Variants in SEC24B observed in about 807,000 individuals in gnomAD.
The protein encoded by SEC24B is SEC24 homolog B, COPII component, also known as protein transport protein Sec24B.
Under a neutral mutation model 142.8 loss-of-function variants are expected in SEC24B, and 45 were observed. That is an observed-to-expected ratio of 0.32 (90% CI 0.25 to 0.40). The LOEUF (loss-of-function observed/expected upper bound fraction) is 0.40, where lower values mean the gene tolerates loss of function less well. Ranked by LOEUF, SEC24B falls within the 10% of genes least tolerant of loss-of-function variation. The pLI is 1.00. For missense variants in SEC24B, 1,409 were observed against 1,526.8 expected (o/e 0.92, Z 1.29); for synonymous variants, 574 against 568.2 (o/e 1.01, Z -0.15).
chr4:109,448,243 A>G (rs1729667763), intron 1 of SEC24B, among the ~76,000 whole-genome samples: 1 of 152,022 alleles, frequency 6.6e-6, no homozygotes, highest in Non-Finnish European at 1.5e-5. Flanking sequence ...ATGTTAAATA[A>G]TTTGAATTTT....
rs549510440 is a variant in SEC24B, at chr4:109,512,445, T to C, written c.1903+362T>C. On this transcript the variant is annotated intron_variant, in intron 9 of 23. Coordinates refer to ENST00000265175, the MANE Select transcript of SEC24B (RefSeq NM_006323.5). ...TTGCCAGTGTATCTGGATGCATGCA[T>C]GTATATATGTCTGTCTCTTGTTCCC... Among the ~76,000 whole-genome samples, 3 of 152,302 alleles carry C rather than the reference T, an allele frequency of 2.0e-5. No individual in the cohort carries two copies. The South Asian group carries it at 6.2e-4, about 32-fold the overall frequency.
At chr4:109,480,072 C>T (rs1733577403) in intron 3 of SEC24B, among the ~76,000 whole-genome samples, 1 of 152,000 alleles carries the variant, frequency 6.6e-6, no homozygotes, top group Admixed American at 6.6e-5. Context: ...ATTTGGGATA[C>T]TGCTATTTTA....
Position 109,466,702 on chromosome 4 carries a change from A to G in SEC24B, c.877+3058A>G, listed in dbSNP as rs147370485. Among the ~76,000 whole-genome samples, 1,364 of 152,226 alleles carry G rather than the reference A, an allele frequency of 9.0e-3. 57 individuals are homozygous for G. Among genetic ancestry groups the G allele is most frequent in the Admixed American group, 0.072 (1,109 of 15,300 alleles). On this transcript the variant is annotated intron_variant, in intron 2 of 23. Transcript: ENST00000265175. The stretch of plus-strand genomic sequence containing the variant: ...TGGGATTACAGGCGTGAGCCACTGC[A>G]CCCGGCCAATAGTTTTGTGTTAAAT...
intron 18 of SEC24B, among the ~76,000 whole-genome samples, 158 bp downstream of exon 18, chr4:109,527,590 G>C (rs1183417115): frequency 6.6e-6 from 1 of 152,106 alleles, no homozygotes; most frequent in Non-Finnish European, 1.5e-5. Flanking sequence ...GGCCAACATG[G>C]TGAAACCCCA....
chr4:109,472,918 AC>A (rs1342775625), intron 2 of SEC24B, 85 bp from the exon 3 acceptor site: 1 of 371,428 alleles, frequency 2.7e-6, no homozygotes, highest in African/African-American at 2.2e-5. Context: ...TATATTATAT[AC>A]ATTATATATA....
At chr4:109,529,940 C>A (rs138635336) in intron 18 of SEC24B, among the ~76,000 whole-genome samples, 3 of 152,060 alleles carry the variant, frequency 2.0e-5, no homozygotes, top group Non-Finnish European at 4.4e-5. Flanking sequence ...CACTATGTTG[C>A]CTAATCTGGT....
intron 7 of SEC24B, among the ~76,000 whole-genome samples, chr4:109,509,070 G>A (rs1737026641): frequency 6.6e-6 from 1 of 152,180 alleles, no homozygotes; most frequent in African/African-American, 2.4e-5. Context: ...CTTGTAAATA[G>A]AAGAGTCTGG....
intron 6 of SEC24B, among the ~76,000 whole-genome samples, chr4:109,499,502 A>G (rs1735886877): frequency 2.0e-5 from 3 of 152,194 alleles, no homozygotes; most frequent in Admixed American, 1.3e-4. Context: ...GTGTGTGTAT[A>G]TACACACACA....
chr4:109,436,947 A>G (rs11942858), intron 1 of SEC24B, among the ~76,000 whole-genome samples: 26,580 of 152,166 alleles, frequency 0.17, 2,623 homozygotes, highest in African/African-American at 0.27. Context: ...ATAAATTTAA[A>G]TGTTTTCCTG....
chr4:109,516,379 C>A (rs566510015), intron 10 of SEC24B, 149 bp from the exon 11 acceptor site: 1 of 548,396 alleles, frequency 1.8e-6, no homozygotes, highest in East Asian at 3.0e-5. Flanking sequence ...AAAAGCATAT[C>A]ATTTTCATGA....
At chr4:109,472,903 T>C in intron 2 of SEC24B, 101 bp from the exon 3 acceptor site, 1 of 322,216 alleles carries the variant, frequency 3.1e-6, no homozygotes, top group Non-Finnish European at 5.2e-6. Context: ...TATATAATTA[T>C]ATTATATATT....
At chr4:109,436,284 CAAA>C (rs986869617) in intron 1 of SEC24B, among the ~76,000 whole-genome samples, 2 of 142,560 alleles carry the variant, frequency 1.4e-5, no homozygotes, top group Non-Finnish European at 3.1e-5. Context: ...TTGCTAATCT[CAAA>C]AAAAAAAAGT....
At chr4:109,532,872 G>T in intron 21 of SEC24B, 129 bp downstream of exon 21, 1 of 569,850 alleles carries the variant, frequency 1.8e-6, no homozygotes, top group Non-Finnish European at 3.2e-6. Context: ...GCTGAAATTG[G>T]TAACTAGCAC....
intron 5 of SEC24B, 115 bp downstream of exon 5, chr4:109,491,522 A>C (rs1735020041): frequency 1.3e-6 from 1 of 751,520 alleles, no homozygotes; most frequent in Non-Finnish European, 2.2e-6. Context: ...ACAAGAAAAA[A>C]AGGACATTTT....
intron 1 of SEC24B, among the ~76,000 whole-genome samples, chr4:109,454,626 T>C (rs1231815260): frequency 6.6e-6 from 1 of 152,134 alleles, no homozygotes; most frequent in Non-Finnish European, 1.5e-5. Flanking sequence ...TTCTCTGACT[T>C]TCTGTTGCCT....
intron 22 of SEC24B, among the ~76,000 whole-genome samples, chr4:109,536,058 T>C (rs775865434): frequency 1.1e-4 from 16 of 151,092 alleles, no homozygotes; most frequent in African/African-American, 2.5e-4. Flanking sequence ...GTAATCCTTA[T>C]TACAATCTGT....
At chr4:109,452,011 T>G (rs953090943) in intron 1 of SEC24B, among the ~76,000 whole-genome samples, 1 of 151,858 alleles carries the variant, frequency 6.6e-6, no homozygotes, top group Non-Finnish European at 1.5e-5. Context: ...TAGGTTTAGA[T>G]AAACATATGT....
intron 18 of SEC24B, among the ~76,000 whole-genome samples, chr4:109,528,424 G>T (rs1724506135): frequency 7.3e-6 from 1 of 136,770 alleles, no homozygotes; most frequent in Non-Finnish European, 1.5e-5. Context: ...GCGTGAGACT[G>T]CATCTCAAAA....
chr4:109,486,309 G>A (rs1057437608), intron 4 of SEC24B, among the ~76,000 whole-genome samples: 16 of 152,198 alleles, frequency 1.1e-4, no homozygotes, highest in Admixed American at 6.5e-4. Flanking sequence ...CAGGTTATGA[G>A]GAAATCTCAA....
Sources: gnomAD v4.1 joint callset for allele counts (sites outside exome capture counted in the v4.1 genomes callset) on GRCh38, gnomAD v4.1.1 for gene constraint, MANE v1.5 for transcripts, NCBI Gene and HGNC (gene_info 2026-07-23, HGNC 2026-07-21) for gene names.